Variants in TAFA2 observed in about 807,000 individuals in gnomAD.
TAFA2 encodes TAFA chemokine like family member 2.
A neutral mutation model predicts 18.8 loss-of-function variants in TAFA2; 7 were observed. The observed-to-expected ratio is 0.37, with a 90% CI of 0.21 to 0.70. TAFA2 has a LOEUF of 0.70. TAFA2 is among the 30% of genes least tolerant of loss of function. TAFA2 has a pLI of 0.53. For missense variants in TAFA2, 122 were observed against 158.1 expected (o/e 0.77, Z 1.23); for synonymous variants, 60 against 54.2 (o/e 1.11, Z -0.47).
intron 4 of TAFA2, among the ~76,000 whole-genome samples, chr12:61,715,800 T>A (rs1869633083): frequency 6.6e-6 from 1 of 151,652 alleles, no homozygotes; most frequent in Admixed American, 6.6e-5. Context: ...ACACCTCTAG[T>A]CCCAGCTACT....
At chr12:62,027,684 A>G (rs891255523) in intron 1 of TAFA2, among the ~76,000 whole-genome samples, 2 of 152,156 alleles carry the variant, frequency 1.3e-5, no homozygotes, top group Non-Finnish European at 2.9e-5. Context: ...CCTCTCTTCA[A>G]AGTGTATTTT....
At chr12:61,941,677 A>C (rs1423005775) in intron 1 of TAFA2, among the ~76,000 whole-genome samples, 2 of 152,324 alleles carry the variant, frequency 1.3e-5, no homozygotes, top group East Asian at 3.9e-4. Context: ...TTTCCGAGTC[A>C]AAGAAAGGGG....
At chr12:61,779,894 A>G (rs1592383524) in intron 2 of TAFA2, among the ~76,000 whole-genome samples, 1 of 151,710 alleles carries the variant, frequency 6.6e-6, no homozygotes, top group Non-Finnish European at 1.5e-5. Flanking sequence ...TTTTATGACT[A>G]TAAATATTAA....
At chr12:61,717,105 C>A (rs1869692792) in intron 4 of TAFA2, among the ~76,000 whole-genome samples, 2 of 152,116 alleles carry the variant, frequency 1.3e-5, no homozygotes, top group East Asian at 3.9e-4. Context: ...TCTTGCTTCA[C>A]TTTTTGTGTG....
In TAFA2 at chr12:61,813,064, A is replaced by G. The variant is rs539303453; in HGVS notation, c.106+54256T>C. Among the ~76,000 whole-genome samples, 6 of 151,672 alleles carry G rather than the reference A, an allele frequency of 4.0e-5. No individual in the cohort carries two copies. In the East Asian group the frequency reaches 5.8e-4, roughly 15 times the overall value. On this transcript the variant is annotated intron_variant, in intron 2 of 4. Coordinates refer to ENST00000416284, the MANE Select transcript of TAFA2 (RefSeq NM_178539.5). ...AACCCACTGTTTAAACTCTATCATCATCATGATTGTGTAGCATTCCATCAA... is the reference window on the plus strand; with the variant it reads ...AACCCACTGTTTAAACTCTATCATCGTCATGATTGTGTAGCATTCCATCAA...
At position 61,782,726 on chromosome 12, in the gene TAFA2, A is replaced by G. The variant is rs74095449; in HGVS notation, c.107-27702T>C. 4.2e-3 allele frequency among the ~76,000 whole-genome samples: 644 copies of G among 151,818 alleles called. 7 individuals carry two copies. Among genetic ancestry groups the G allele is most frequent in the African/African-American group, 0.015 (631 of 41,482 alleles). On this transcript the variant is annotated intron_variant, in intron 2 of 4. Transcript: ENST00000416284. The stretch of plus-strand genomic sequence containing the variant: ...GGCCCCAAAAAATAAATTTGCAAGG[A>G]CTTTTTCCATCCTTTTATTAGTTCA...
intron 1 of TAFA2, among the ~76,000 whole-genome samples, chr12:62,065,539 G>T (rs1423600757): frequency 1.3e-5 from 2 of 152,008 alleles, no homozygotes; most frequent in African/African-American, 4.8e-5. Flanking sequence ...ACTAAAATAT[G>T]TGTGATAGTA....
rs71083963 is a variant in TAFA2, at chr12:61,910,100, T to TTGTGTG, written c.-1-42680_-1-42675dup. The stretch of plus-strand genomic sequence containing the variant: ...TGCGTGCTTGTGTGTGTGTGTGTGT[T>TTGTGTG]TGTGTGTGTGTGTGTGTGTGTGTGT... On this transcript the variant is annotated intron_variant, in intron 1 of 4. Coordinates refer to ENST00000416284, the MANE Select transcript of TAFA2 (RefSeq NM_178539.5). 5.9e-4 allele frequency among the ~76,000 whole-genome samples: 86 copies of TTGTGTG among 144,904 alleles called. No homozygotes were observed. The Middle Eastern group carries it at 0.022, about 36-fold the overall frequency.
intron 4 of TAFA2, among the ~76,000 whole-genome samples, chr12:61,739,191 G>C (rs1192210054): frequency 6.6e-6 from 1 of 152,052 alleles, no homozygotes; most frequent in Non-Finnish European, 1.5e-5. Context: ...GTTGGGATAT[G>C]AACTCAAGTA....
At chr12:61,813,447 T>C (rs1871955594) in intron 2 of TAFA2, among the ~76,000 whole-genome samples, 1 of 151,446 alleles carries the variant, frequency 6.6e-6, no homozygotes. Flanking sequence ...TAAATTAATT[T>C]TTGGCATTTC....
At chr12:62,234,187 T>C (rs1373821904) in intron 1 of TAFA2, among the ~76,000 whole-genome samples, 1 of 152,190 alleles carries the variant, frequency 6.6e-6, no homozygotes, top group African/African-American at 2.4e-5. Context: ...CTGAGGCACC[T>C]CCTTGAGAAG....
chr12:62,009,340 T>C (rs1180124919), intron 1 of TAFA2, among the ~76,000 whole-genome samples: 6 of 152,196 alleles, frequency 3.9e-5, no homozygotes, highest in Admixed American at 3.9e-4. Context: ...TCAACTTTCT[T>C]AGATGTATTC....
intron 2 of TAFA2, among the ~76,000 whole-genome samples, chr12:61,818,628 C>T (rs139045029): frequency 4.6e-5 from 7 of 152,052 alleles, no homozygotes; most frequent in Admixed American, 2.0e-4. Flanking sequence ...AGCTCTCCCA[C>T]GTGATGCAGC....
At position 61,708,493 on chromosome 12, in the gene TAFA2, C is replaced by A. The variant is rs1330971422; in HGVS notation, c.*1913G>T. The A allele has an allele frequency of 6.6e-6, 1 of 151,904 alleles. No individual in the cohort carries two copies. Among genetic ancestry groups the A allele is most frequent in the African/African-American group, 2.4e-5 (1 of 41,372 alleles). 9.4% of individuals were successfully genotyped at this position (151,904 alleles called of 1,614,324 possible). A position where few individuals can be genotyped will look rare whatever the true frequency, so the allele number is the denominator to read the frequency against. On this transcript the variant is annotated 3_prime_UTR_variant, in exon 5 of 5. Coordinates refer to ENST00000416284, the MANE Select transcript of TAFA2 (RefSeq NM_178539.5). ...TTTCAAATCTCAAACAAACCTAGGA[C>A]AAATTCATAATTTCCAAAAAGTATA...
At chr12:62,142,609 G>A (rs770652326) in intron 1 of TAFA2, among the ~76,000 whole-genome samples, 117 of 152,164 alleles carry the variant, frequency 7.7e-4, no homozygotes, top group Non-Finnish European at 1.5e-3. Flanking sequence ...AGAGGAGAGA[G>A]TAGGAGAAAA....
intron 1 of TAFA2, among the ~76,000 whole-genome samples, chr12:62,131,004 T>G (rs934207766): frequency 6.6e-6 from 1 of 151,976 alleles, no homozygotes; most frequent in Admixed American, 6.6e-5. Context: ...ATTACAATGT[T>G]GATGCAGAAC....
intron 1 of TAFA2, among the ~76,000 whole-genome samples, chr12:61,987,332 C>T (rs1373562717): frequency 6.6e-6 from 1 of 152,158 alleles, no homozygotes; most frequent in Non-Finnish European, 1.5e-5. Flanking sequence ...GCTATGTCCA[C>T]ACATCTCTGC....
chr12:62,092,953 C>T lies in TAFA2; in HGVS notation c.-2+98306G>A, dbSNP rs115579667. Among the ~76,000 whole-genome samples the T allele has an allele frequency of 5.0e-3, 767 of 152,042 alleles. 9 individuals are homozygous for T. Among genetic ancestry groups the T allele is most frequent in the African/African-American group, 0.017 (716 of 41,516 alleles). The stretch of plus-strand genomic sequence containing the variant: ...AATACTCGGCACTTACCATGGTCAG[C>T]CATCAGTTTCCAATCAAATTTACAT... On this transcript the variant is annotated intron_variant, in intron 1 of 4. Coordinates refer to ENST00000416284, the MANE Select transcript of TAFA2 (RefSeq NM_178539.5).
At chr12:62,085,587 G>A (rs1172922487) in intron 1 of TAFA2, among the ~76,000 whole-genome samples, 2 of 152,068 alleles carry the variant, frequency 1.3e-5, no homozygotes, top group East Asian at 3.9e-4. Context: ...ATTTTACTAT[G>A]TGCCAATCCC....
Sources: allele counts gnomAD v4.1 joint callset (sites outside exome capture counted in the v4.1 genomes callset), GRCh38; gene constraint gnomAD v4.1.1; transcripts MANE v1.5; gene names NCBI Gene and HGNC (gene_info 2026-07-23, HGNC 2026-07-21).